The following CHEK1 variants were observed in gnomAD, a reference collection of about 807,000 sequenced individuals.
CHEK1 encodes serine/threonine-protein kinase Chk1.
In CHEK1, 32 loss-of-function variants were observed where a neutral mutation model predicts 60.2. The ratio of observed to expected loss-of-function variants is 0.53; its 90% confidence interval spans 0.40 to 0.71. The LOEUF (loss-of-function observed/expected upper bound fraction) is 0.71. CHEK1 is among the 30% of genes least tolerant of loss of function. The probability of loss-of-function intolerance (pLI) is 0.00; values close to 1 mark genes in which losing one functional copy is unlikely to be tolerated. For missense variants in CHEK1, 399 were observed against 564.6 expected (o/e 0.71, Z 2.97); for synonymous variants, 179 against 187.2 (o/e 0.96, Z 0.36).
intron 13 of CHEK1, among the ~76,000 whole-genome samples, chr11:125,673,217 T>C (rs973905113): frequency 7.9e-5 from 12 of 151,334 alleles, no homozygotes; most frequent in East Asian, 5.8e-4. Context: ...CTTTTCTTTT[T>C]TTTTTTTGAG....
In CHEK1 at chr11:125,625,889, G is replaced by T; in HGVS notation, c.-144G>T. The T allele has an allele frequency of 1.4e-6, 1 of 702,642 alleles. No homozygotes were observed. Among genetic ancestry groups the T allele is most frequent in the Admixed American group, 2.0e-5 (1 of 50,024 alleles). 43.5% of individuals were successfully genotyped at this position (702,642 alleles called of 1,614,324 possible). ...GCCGACATTCAGAGGGGCAGGACAC[G>T]GGAACGCGCGCTGTCTTGCTTTACG... is the stretch of plus-strand genomic sequence containing the variant. On this transcript the variant is annotated 5_prime_UTR_variant, in exon 1 of 13. Transcript: ENST00000438015.
At chr11:125,645,881 G>T (rs1025032028) in intron 11 of CHEK1, among the ~76,000 whole-genome samples, 1 of 152,022 alleles carries the variant, frequency 6.6e-6, no homozygotes, top group African/African-American at 2.4e-5. Context: ...AAAAATTGGG[G>T]GAACTGTTAC....
downstream of CHEK1, among the ~76,000 whole-genome samples, chr11:125,677,122 T>C (rs1305212592): frequency 6.6e-6 from 1 of 152,234 alleles, no homozygotes; most frequent in Non-Finnish European, 1.5e-5. Flanking sequence ...TTTCTAGCCA[T>C]GTGACATTGG....
chr11:125,630,364 G>A (rs993697680), intron 5 of CHEK1, among the ~76,000 whole-genome samples: 5 of 151,266 alleles, frequency 3.3e-5, no homozygotes, highest in Admixed American at 3.3e-4. Flanking sequence ...AGGCTGGAGT[G>A]TAGTGACATG....
At chr11:125,634,438 T>C (rs1453987788) in intron 6 of CHEK1, among the ~76,000 whole-genome samples, 1 of 152,066 alleles carries the variant, frequency 6.6e-6, no homozygotes, top group Non-Finnish European at 1.5e-5. Context: ...TCCTCCTGCC[T>C]CAGTCTCCTC....
chr11:125,666,858 A>C (rs1408943032), intron 13 of CHEK1, among the ~76,000 whole-genome samples: 1 of 150,248 alleles, frequency 6.7e-6, no homozygotes, highest in East Asian at 1.9e-4. Context: ...CCAACCCTTC[A>C]CTTTCAGTTT....
At chr11:125,627,321 A>G (rs560386680) in intron 2 of CHEK1, among the ~76,000 whole-genome samples, 1 of 152,344 alleles carries the variant, frequency 6.6e-6, no homozygotes, top group Non-Finnish European at 1.5e-5. Context: ...TATGAGTAGA[A>G]CATGTATATA....
Position 125,653,828 on chromosome 11 carries a change from T to C in CHEK1, c.1316T>C (p.Val439Ala), listed in dbSNP as rs768550804. 1 of 1,563,868 alleles carries C rather than the reference T, an allele frequency of 6.4e-7. No homozygotes were observed. ...NLLEMDDKIL[V>A]DFRLSKGDGL... ...TTAGAAATGGATGATAAAATATTGG[T>C]TGACTTCCGGCTTTCTAAGGTATTT... The change falls in exon 12 of 13, where the codon GTT becomes GCT. Residue 439 changes from valine (V) to alanine (A), a missense_variant. Physicochemically the swap from Val to Ala is moderately conservative, Grantham distance 64. This residue lies in a region of CHEK1 where 29 missense variants were observed against 69.8 expected (regional missense o/e 0.42). Coordinates refer to ENST00000438015, the MANE Select transcript of CHEK1 (RefSeq NM_001114122.3). The surrounding 1 kb of genome is among the most constrained non-coding windows in gnomAD (Gnocchi z 4.3).
intron 12 of CHEK1, 66 bp from the exon 13 acceptor site, chr11:125,655,159 T>C: frequency 8.3e-7 from 1 of 1,208,784 alleles, no homozygotes; most frequent in Non-Finnish European, 1.2e-6. Context: ...AAGAGATTGA[T>C]TTTAGGACAG....
At chr11:125,636,494 A>C (rs978372998) in intron 7 of CHEK1, among the ~76,000 whole-genome samples, 2 of 152,266 alleles carry the variant, frequency 1.3e-5, no homozygotes, top group South Asian at 4.1e-4. Flanking sequence ...TCAAGGATGT[A>C]GTTTTTATTA....
intron 12 of CHEK1, among the ~76,000 whole-genome samples, chr11:125,654,098 AGAC>A (rs2136062681): frequency 6.6e-6 from 1 of 152,136 alleles, no homozygotes; most frequent in South Asian, 2.1e-4. Context: ...TGGGAGTCCG[AGAC>A]GGGTGGATCT....
At position 125,629,341 on chromosome 11, in the gene CHEK1, A is replaced by G. The variant is rs771989402; in HGVS notation, c.354+45A>G. On this transcript the variant is annotated intron_variant, in intron 4 of 12. Coordinates refer to ENST00000438015, the MANE Select transcript of CHEK1 (RefSeq NM_001114122.3). ...TCCCTTTTACTTAAAATTAGAGTGA[A>G]TACATTACATTACCAAATTCTAGTG... 20 of 1,612,264 alleles carry G rather than the reference A, an allele frequency of 1.2e-5. No homozygotes were observed. In the East Asian group the frequency reaches 4.0e-4, roughly 32 times the overall value.
downstream of CHEK1, chr11:125,677,737 G>A: frequency 6.3e-7 from 1 of 1,595,086 alleles, no homozygotes; most frequent in Non-Finnish European, 8.6e-7. Flanking sequence ...GGGTTTTCTT[G>A]ATGTGTTCCC....
Position 125,656,801 on chromosome 11 carries a change from A to C in CHEK1, c.*1481A>C, listed in dbSNP as rs144623058. 4.7e-6 allele frequency: 1 copy of C among 213,540 alleles called. No individual in the cohort carries two copies. The highest frequency in any genetic ancestry group is 2.3e-5 in the African/African-American group (1 of 44,248). The allele number at this position is 213,540 out of a possible 1,614,324, so 13.2% of individuals were successfully genotyped here. On this transcript the variant is annotated 3_prime_UTR_variant, in exon 13 of 13. Transcript: ENST00000438015. ...TCTCAGAAATGTTACTTCCTCTGCAAAGTCTTTCCCTGACTTATCTAAAAT... is the reference window on the plus strand; with the variant it reads ...TCTCAGAAATGTTACTTCCTCTGCACAGTCTTTCCCTGACTTATCTAAAAT...
downstream of CHEK1, among the ~76,000 whole-genome samples, chr11:125,658,876 A>G (rs1941964865): frequency 6.6e-6 from 1 of 151,838 alleles, no homozygotes; most frequent in South Asian, 2.1e-4. Context: ...TGAAGAGACC[A>G]GATTTCACTG....
intron 11 of CHEK1, among the ~76,000 whole-genome samples, chr11:125,651,330 C>T (rs1406523447): frequency 6.8e-6 from 1 of 147,952 alleles, no homozygotes; most frequent in East Asian, 2.0e-4. Context: ...CACTGTTGCC[C>T]AGTCTGGAGT....
intron 13 of CHEK1, chr11:125,672,495 C>T: frequency 7.1e-7 from 1 of 1,417,524 alleles, no homozygotes. Flanking sequence ...CAGATGTGGT[C>T]AGTTGTTGAC....
intron 1 of CHEK1, 183 bp from the exon 2 acceptor site, chr11:125,626,566 C>A: frequency 1.7e-6 from 1 of 583,142 alleles, no homozygotes; most frequent in Non-Finnish European, 3.1e-6. Context: ...GTGATTTACA[C>A]GACAAAATGG....
At position 125,626,192 on chromosome 11, in the gene CHEK1, G is replaced by T. The variant is rs184813127; in HGVS notation, c.-21+180G>T. ...AATGGTACCAGGAGGTTCCCGTTGT[G>T]GGGGCGGGGGCAGGAGGGACTAACC... On this transcript the variant is annotated intron_variant, in intron 1 of 12. Transcript: ENST00000438015. 1.2e-4 allele frequency: 73 copies of T among 594,374 alleles called. 1 individual carries two copies. The highest frequency in any genetic ancestry group is 1.7e-4 in the Non-Finnish European group (55 of 332,402). 36.8% of individuals were successfully genotyped at this position (594,374 alleles called of 1,614,324 possible). A position where few individuals can be genotyped will look rare whatever the true frequency, so the allele number is the denominator to read the frequency against.
Sources: allele counts gnomAD v4.1 joint callset (sites outside exome capture counted in the v4.1 genomes callset), GRCh38; gene constraint gnomAD v4.1.1; regional missense constraint gnomAD v4.1.1; non-coding constraint Gnocchi (gnomAD v3.1); transcripts MANE v1.5; gene names NCBI Gene and HGNC (gene_info 2026-07-23, HGNC 2026-07-21).